DISP1: variants seen among roughly 807,000 people sequenced by gnomAD.
DISP1 encodes protein dispatched homolog 1.
A neutral mutation model predicts 37.3 loss-of-function variants in DISP1; 30 were observed. That is an observed-to-expected ratio of 0.80 (90% CI 0.60 to 1.09). The LOEUF (loss-of-function observed/expected upper bound fraction) is 1.09, where lower values mean the gene tolerates loss of function less well. DISP1 is among the 50% of genes least tolerant of loss of function. DISP1 has a pLI of 0.00. For synonymous variants in DISP1, 634 were observed against 690.2 expected (o/e 0.92, Z 1.28); for missense variants, 1,598 against 1,879.5 (o/e 0.85, Z 2.77).
chr1:222,906,383 A>C (rs1225975113), intron 1 of DISP1, among the ~76,000 whole-genome samples: 1 of 152,210 alleles, frequency 6.6e-6, no homozygotes, highest in East Asian at 1.9e-4. Context: ...AGGCGTTTGA[A>C]CCAGAGCAAC....
chr1:222,954,851 T>TAAATA (rs911017860), intron 3 of DISP1, among the ~76,000 whole-genome samples: 16 of 150,750 alleles, frequency 1.1e-4, no homozygotes, highest in Admixed American at 5.3e-4. Flanking sequence ...TATCTAAAAA[T>TAAATA]AAATAAAATA....
intron 1 of DISP1, among the ~76,000 whole-genome samples, chr1:222,874,394 C>A (rs1669820444): frequency 1.3e-5 from 2 of 151,270 alleles, no homozygotes. Flanking sequence ...CCATTCTCCC[C>A]ATCGTAGATT....
intron 1 of DISP1, among the ~76,000 whole-genome samples, chr1:222,833,878 T>A (rs1233962630): frequency 6.6e-6 from 1 of 152,244 alleles, no homozygotes; most frequent in Non-Finnish European, 1.5e-5. Flanking sequence ...GAGGGAATAG[T>A]CATTACTGTT....
At chr1:222,990,847 A>T in intron 5 of DISP1, 99 bp downstream of exon 5, 1 of 1,488,892 alleles carries the variant, frequency 6.7e-7, no homozygotes, top group South Asian at 1.1e-5. Context: ...CATTTCTTTA[A>T]AAACCTTCTC....
At chr1:222,821,256 G>C (rs139102109) in intron 1 of DISP1, among the ~76,000 whole-genome samples, 1 of 152,324 alleles carries the variant, frequency 6.6e-6, no homozygotes, top group East Asian at 1.9e-4. Context: ...GCACAAGCAT[G>C]TGAAGTAACT....
intron 3 of DISP1, among the ~76,000 whole-genome samples, chr1:222,954,501 C>G (rs1675451190): frequency 6.6e-6 from 1 of 152,080 alleles, no homozygotes; most frequent in Non-Finnish European, 1.5e-5. Context: ...AAAAAGTTAA[C>G]AAAACTTAAC....
chr1:222,994,804 T>G, intron 7 of DISP1, 81 bp from the exon 8 acceptor site: 3 of 1,066,138 alleles, frequency 2.8e-6, no homozygotes, highest in South Asian at 1.3e-5. Flanking sequence ...CCAGTTTGAA[T>G]TATTTCCAAA....
chr1:222,911,723 G>A (rs938116082), intron 1 of DISP1, among the ~76,000 whole-genome samples: 6 of 151,872 alleles, frequency 4.0e-5, no homozygotes, highest in African/African-American at 7.3e-5. Context: ...GTAGAGACAG[G>A]GTCTTGCTAT....
chr1:222,949,086 T>C (rs1442488295), intron 3 of DISP1, among the ~76,000 whole-genome samples: 1 of 152,176 alleles, frequency 6.6e-6, no homozygotes, highest in African/African-American at 2.4e-5. Flanking sequence ...AAAATTCCTT[T>C]TTAGTGTTCC....
At chr1:222,837,207 G>T in intron 1 of DISP1, 1 of 393,288 alleles carries the variant, frequency 2.5e-6, no homozygotes, top group East Asian at 3.6e-5. Flanking sequence ...TCTTTGGCTG[G>T]GAAATGACAA....
chr1:222,939,300 T>C (rs1477754819), intron 2 of DISP1, among the ~76,000 whole-genome samples: 1 of 151,946 alleles, frequency 6.6e-6, no homozygotes, highest in African/African-American at 2.4e-5. Context: ...AACGATACAT[T>C]TGTAATAAAT....
At chr1:222,902,226 C>T (rs1192047591) in intron 1 of DISP1, among the ~76,000 whole-genome samples, 1 of 152,068 alleles carries the variant, frequency 6.6e-6, no homozygotes, top group East Asian at 1.9e-4. Context: ...TCTTGCTTTT[C>T]TAGTTCTTTT....
Position 222,980,410 on chromosome 1 carries a change from A to AGTGTGTGTGTGTGT in DISP1, c.510-2653_510-2640dup, listed in dbSNP as rs3028495. Among the ~76,000 whole-genome samples, 348 of 148,154 alleles carry AGTGTGTGTGTGTGT rather than the reference A, an allele frequency of 2.3e-3. 2 individuals carry two copies. Among genetic ancestry groups the AGTGTGTGTGTGTGT allele is most frequent in the South Asian group, 0.016 (72 of 4,640 alleles). ...AAATAGGAATGGGCTGATGTAACAA[A>AGTGTGTGTGTGTGT]GTGTGTGTGTGTGTGTGTGTGTGTG... On this transcript the variant is annotated intron_variant, in intron 3 of 8. Coordinates refer to ENST00000675850, the MANE Select transcript of DISP1 (RefSeq NM_001377229.1).
At chr1:222,990,972 C>T (rs1432832438) in intron 5 of DISP1, among the ~76,000 whole-genome samples, 1 of 152,100 alleles carries the variant, frequency 6.6e-6, no homozygotes. Context: ...GCTTCTTGGT[C>T]CCCATGTTTA....
chr1:222,889,352 G>A (rs17476564), intron 1 of DISP1, among the ~76,000 whole-genome samples: 77,647 of 151,722 alleles, frequency 0.51, 20,398 homozygotes, highest in East Asian at 0.63. Flanking sequence ...GATTGAGGAT[G>A]GGTGATTCTG....
At chr1:222,962,217 A>AG (rs1219343726) in intron 3 of DISP1, among the ~76,000 whole-genome samples, 1 of 152,220 alleles carries the variant, frequency 6.6e-6, no homozygotes, top group East Asian at 1.9e-4. Context: ...CTTGGAATAC[A>AG]GCTAACAAGG....
At chr1:222,921,015 A>G (rs1173722423) in intron 1 of DISP1, among the ~76,000 whole-genome samples, 1 of 152,190 alleles carries the variant, frequency 6.6e-6, no homozygotes, top group Non-Finnish European at 1.5e-5. Context: ...ATTTGCTACT[A>G]TAAGATTAAT....
rs1429313480 is a variant in DISP1, at chr1:223,004,159, G to T, written c.2762G>T (p.Arg921Met). The T allele has an allele frequency of 1.9e-6, 3 of 1,614,174 alleles. No individual in the cohort carries two copies. Among genetic ancestry groups the T allele is most frequent in the Non-Finnish European group, 2.5e-6 (3 of 1,180,026 alleles). ...GPRFDINDTI[R>M]AVVLEFQSTY... ...AGGTTTGATATCAATGATACTATCA[G>T]GGCAGTGGTGTTAGAGTTCCAGAGT... Residue 921 changes from arginine (R) to methionine (M), a missense_variant, in exon 9 of 9, where the codon AGG (arginine) becomes ATG (methionine). Coordinates refer to ENST00000675850, the MANE Select transcript of DISP1 (RefSeq NM_001377229.1). This position sits in a 1 kb window ranked among gnomAD's most constrained non-coding sequence, Gnocchi z 4.9.
chr1:222,966,391 C>T (rs962490623), intron 3 of DISP1, among the ~76,000 whole-genome samples: 7 of 152,124 alleles, frequency 4.6e-5, no homozygotes, highest in African/African-American at 1.7e-4. Flanking sequence ...TATATAAGAT[C>T]TATACCTCAT....
Sources: gnomAD v4.1 joint callset for allele counts (sites outside exome capture counted in the v4.1 genomes callset) on GRCh38, gnomAD v4.1.1 for gene constraint, Gnocchi (gnomAD v3.1) non-coding constraint, MANE v1.5 for transcripts, NCBI Gene and HGNC (gene_info 2026-07-23, HGNC 2026-07-21) for gene names.